PTPRN2: variants seen among roughly 807,000 people sequenced by gnomAD.
PTPRN2 encodes the protein receptor-type tyrosine-protein phosphatase N2.
A neutral mutation model predicts 118.8 loss-of-function variants in PTPRN2; 74 were observed. The ratio of observed to expected loss-of-function variants is 0.62; its 90% CI spans 0.52 to 0.76. PTPRN2 has a LOEUF of 0.76. PTPRN2 is among the 30% of genes least tolerant of loss of function. The pLI is 0.00. For missense variants in PTPRN2, 1,481 were observed against 1,394.4 expected (o/e 1.06, Z -0.99); for synonymous variants, 641 against 608.0 (o/e 1.05, Z -0.80).
At chr7:158,490,249 T>A (rs1821347020) in intron 1 of PTPRN2, among the ~76,000 whole-genome samples, 2 of 151,990 alleles carry the variant, frequency 1.3e-5, no homozygotes, top group African/African-American at 2.4e-5. Context: ...CCCGGCTGCG[T>A]GGGAAGCAAA....
chr7:157,759,293 G>T (rs1801996148), intron 12 of PTPRN2, among the ~76,000 whole-genome samples: 1 of 152,224 alleles, frequency 6.6e-6, no homozygotes, highest in Non-Finnish European at 1.5e-5. Context: ...ATGCGCCAAG[G>T]GAGCCTGCTG....
At chr7:158,545,351 G>T (rs1379927246) in intron 1 of PTPRN2, among the ~76,000 whole-genome samples, 1 of 152,176 alleles carries the variant, frequency 6.6e-6, no homozygotes. Context: ...GCAGACCGAC[G>T]CAGTGGGAGG....
In PTPRN2 at chr7:157,841,475, G is replaced by A. The variant is rs1475777258; in HGVS notation, c.1788+57198C>T. 4.0e-5 allele frequency among the ~76,000 whole-genome samples: 6 copies of A among 150,854 alleles called. No individual in the cohort carries two copies. The South Asian group carries it at 6.4e-4, about 16-fold the overall frequency. On this transcript the variant is annotated intron_variant, in intron 12 of 22. Transcript: ENST00000389418. Reference sequence around the variant, plus strand: ...GGATCCTCCCCTTCCCACCCCACCCGCAGGTGATGATTTTGAAAAGCTCCC... The same window carrying A: ...GGATCCTCCCCTTCCCACCCCACCCACAGGTGATGATTTTGAAAAGCTCCC...
intron 21 of PTPRN2, among the ~76,000 whole-genome samples, chr7:157,551,521 A>G (rs1344239093): frequency 8.3e-6 from 1 of 120,476 alleles, no homozygotes; most frequent in Non-Finnish European, 1.7e-5. Context: ...ACACCCCACT[A>G]TCACACACCC....
At chr7:158,010,907 G>A (rs1436951050) in intron 11 of PTPRN2, among the ~76,000 whole-genome samples, 1 of 152,186 alleles carries the variant, frequency 6.6e-6, no homozygotes, top group East Asian at 1.9e-4. Flanking sequence ...ACTCCAGATG[G>A]TCCCAGGTGG....
chr7:158,078,870 C>T (rs1812585608), intron 11 of PTPRN2, among the ~76,000 whole-genome samples: 1 of 152,208 alleles, frequency 6.6e-6, no homozygotes, highest in South Asian at 2.1e-4. Flanking sequence ...GTTTGTGAGA[C>T]AGGGTCTCCC....
In PTPRN2 at chr7:157,571,136, G is replaced by A. The variant is rs151129480; in HGVS notation, c.2837+304C>T. Among the ~76,000 whole-genome samples, 185 of 151,468 alleles carry A rather than the reference G, an allele frequency of 1.2e-3. 1 individual carries two copies. The highest frequency in any genetic ancestry group is 4.2e-3 in the African/African-American group (173 of 41,252). ...GTGGCGGGCGCAATCGCTTGATCCC[G>A]GGAGGTGGAGGTTGCAGTGAGCCTG... is the stretch of plus-strand genomic sequence containing the variant. On this transcript the variant is annotated intron_variant, in intron 20 of 22. Coordinates refer to ENST00000389418, the MANE Select transcript of PTPRN2 (RefSeq NM_002847.5).
At chr7:157,958,068 T>C (rs974917035) in intron 11 of PTPRN2, among the ~76,000 whole-genome samples, 30 of 152,274 alleles carry the variant, frequency 2.0e-4, no homozygotes, top group Middle Eastern at 3.4e-3. Context: ...GTGGGATGTA[T>C]TCCTAGAATG....
rs1260735092 is a variant in PTPRN2 at position 157,671,777 on chromosome 7, G to A, written c.2001+10948C>T. 2.6e-5 allele frequency among the ~76,000 whole-genome samples: 4 copies of A among 152,112 alleles called. No individual in the cohort carries two copies. Among genetic ancestry groups the A allele is most frequent in the Non-Finnish European group, 5.9e-5 (4 of 68,008 alleles). Reference sequence around the variant, plus strand: ...AACTGATCTGAGTGACACCTGAACTGCACAAGGCCTGAAGGACGCCCTGAA... The same window carrying A: ...AACTGATCTGAGTGACACCTGAACTACACAAGGCCTGAAGGACGCCCTGAA... On this transcript the variant is annotated intron_variant, in intron 13 of 22. Coordinates refer to ENST00000389418, the MANE Select transcript of PTPRN2 (RefSeq NM_002847.5). This position sits in a 1 kb window ranked among gnomAD's most constrained non-coding sequence, Gnocchi z 4.1.
intron 12 of PTPRN2, among the ~76,000 whole-genome samples, chr7:157,696,337 C>A (rs925905262): frequency 8.1e-6 from 1 of 123,564 alleles, no homozygotes; most frequent in African/African-American, 3.3e-5. Context: ...CTTAGTAGAG[C>A]CCTCACCATC....
At chr7:158,262,499 ACACACACTG>A (rs1380563475) in intron 3 of PTPRN2, among the ~76,000 whole-genome samples, 11 of 51,204 alleles carry the variant, frequency 2.1e-4, no homozygotes, top group Admixed American at 1.5e-3. Context: ...ACATACATGC[ACACACACTG>A]CACACACATT....
At position 157,590,273 on chromosome 7, in the gene PTPRN2, G is replaced by A. The variant is rs1800907900; in HGVS notation, c.2496+4965C>T. On this transcript the variant is annotated intron_variant, in intron 17 of 22. Coordinates refer to ENST00000389418, the MANE Select transcript of PTPRN2 (RefSeq NM_002847.5). The surrounding 1 kb of genome is among the most constrained non-coding windows in gnomAD (Gnocchi z 4.0). ...CCCAAAATGGGTATTCTTTCCTTGA[G>A]GGATGTTTTATTTCTAGGCCAGTTT... is the stretch of plus-strand genomic sequence containing the variant. 6.6e-6 allele frequency among the ~76,000 whole-genome samples: 1 copy of A among 152,144 alleles called. No homozygotes were observed. The highest frequency in any genetic ancestry group is 2.1e-4 in the South Asian group (1 of 4,826).
intron 2 of PTPRN2, among the ~76,000 whole-genome samples, chr7:158,420,546 G>A (rs1044917904): frequency 3.3e-5 from 5 of 152,196 alleles, no homozygotes; most frequent in African/African-American, 1.2e-4. Context: ...AATGAGAAGA[G>A]TTATTTACAA....
intron 16 of PTPRN2, among the ~76,000 whole-genome samples, chr7:157,601,232 T>C (rs1049631014): frequency 1.3e-5 from 2 of 152,236 alleles, no homozygotes; most frequent in Non-Finnish European, 1.5e-5. Flanking sequence ...TATTTACCAC[T>C]GGATGCCTTC....
intron 3 of PTPRN2, among the ~76,000 whole-genome samples, chr7:158,277,394 G>A (rs1156909667): frequency 6.6e-6 from 1 of 152,224 alleles, no homozygotes; most frequent in Non-Finnish European, 1.5e-5. Context: ...TCCAGACGGA[G>A]GAGGCCGGGC....
At position 157,609,513 on chromosome 7, in the gene PTPRN2, G is replaced by A. The variant is rs572474568; in HGVS notation, c.2345-5438C>T. 2.6e-5 allele frequency among the ~76,000 whole-genome samples: 4 copies of A among 152,264 alleles called. No individual in the cohort carries two copies. In the South Asian group the frequency reaches 8.3e-4, roughly 32 times the overall value. On this transcript the variant is annotated intron_variant, in intron 15 of 22. Coordinates refer to ENST00000389418, the MANE Select transcript of PTPRN2 (RefSeq NM_002847.5). This position sits in a 1 kb window ranked among gnomAD's most constrained non-coding sequence, Gnocchi z 4.9. ...CCATCCTGGACCACGGACAGAACAG[G>A]GACTACTTTCCCGTTTTAGGCTGAA...
intron 11 of PTPRN2, among the ~76,000 whole-genome samples, chr7:157,962,093 A>C (rs900476112): frequency 2.6e-5 from 4 of 152,262 alleles, no homozygotes; most frequent in Non-Finnish European, 4.4e-5. Context: ...CAGGATGTGA[A>C]AGTATTTTAT....
rs550771297 is a variant in PTPRN2, at chr7:157,785,714, G to A, written c.1789-102777C>T. On this transcript the variant is annotated intron_variant, in intron 12 of 22. Transcript: ENST00000389418. This position sits in a 1 kb window ranked among gnomAD's most constrained non-coding sequence, Gnocchi z 7.3. The stretch of plus-strand genomic sequence containing the variant: ...CCTGCTCAGAGATGGGCATGGGGCC[G>A]GCCTGGGAAGCATGGCGGGAGGGGA... Among the ~76,000 whole-genome samples the A allele has an allele frequency of 9.2e-5, 14 of 152,270 alleles. No individual in the cohort carries two copies. The East Asian group carries it at 1.9e-3, about 21-fold the overall frequency.
intron 7 of PTPRN2, among the ~76,000 whole-genome samples, chr7:158,137,805 C>A (rs1818966715): frequency 6.6e-6 from 1 of 152,196 alleles, no homozygotes; most frequent in South Asian, 2.1e-4. Context: ...GAGAAGCCAT[C>A]AGGCTGCAGA....
Sources: gnomAD v4.1 joint callset for allele counts (sites outside exome capture counted in the v4.1 genomes callset) on GRCh38, gnomAD v4.1.1 for gene constraint, Gnocchi (gnomAD v3.1) non-coding constraint, MANE v1.5 for transcripts, NCBI Gene and HGNC (gene_info 2026-07-23, HGNC 2026-07-21) for gene names.